Variants in SLC36A3 observed in about 807,000 individuals in gnomAD.
The protein encoded by SLC36A3 is proton-coupled amino acid transporter 3.
A neutral mutation model predicts 44.3 loss-of-function variants in SLC36A3; 35 were observed. That is an observed-to-expected ratio of 0.79 (90% CI 0.60 to 1.05). SLC36A3 has a LOEUF of 1.05. Ranked by LOEUF, SLC36A3 falls within the 50% of genes least tolerant of loss-of-function variation. SLC36A3 has a pLI of 0.00. For synonymous variants in SLC36A3, 211 were observed against 227.6 expected, an observed-to-expected ratio of 0.93 and a Z score of 0.66; for missense variants, 540 against 578.7, an observed-to-expected ratio of 0.93 and a Z score of 0.69.
intron 1 of SLC36A3, among the ~76,000 whole-genome samples, chr5:151,299,248 C>CTA (rs1755072787): frequency 2.8e-4 from 27 of 95,140 alleles, no homozygotes; most frequent in Non-Finnish European, 4.1e-4. Flanking sequence ...CTCTCTCTCT[C>CTA]TCTCTCTCTC....
chr5:151,294,691 G>A (rs574091242), intron 3 of SLC36A3, among the ~76,000 whole-genome samples: 2 of 151,728 alleles, frequency 1.3e-5, no homozygotes, highest in Admixed American at 1.3e-4. Context: ...GTGCAAGGGT[G>A]CGATCTCGGC....
At chr5:151,289,304 C>T (rs1162085401) in intron 4 of SLC36A3, among the ~76,000 whole-genome samples, 1 of 151,544 alleles carries the variant, frequency 6.6e-6, no homozygotes, top group African/African-American at 2.4e-5. Context: ...TAGTATTATC[C>T]CAATTCTCTC....
rs1172714599 is a variant in SLC36A3, at chr5:151,287,406, A to G, written c.548T>C (p.Leu183Pro). The change falls in exon 6 of 10, where the codon CTG (leucine) becomes CCG (proline). Residue 183 changes from leucine (L) to proline (P), a missense_variant. Physicochemically the swap from Leu to Pro is moderately conservative, Grantham distance 98 (BLOSUM62 -3). Transcript: ENST00000335230. ...NICQPREILT[L>P]TPILDIRFYM... The stretch of plus-strand genomic sequence containing the variant: ...GAAACGAATGTCCAGGATGGGGGTC[A>G]GCGTCAGAATCTCCCTGGGCTGGCA... 4 of 1,614,082 alleles carry G rather than the reference A, an allele frequency of 2.5e-6. No homozygotes were observed. In the African/African-American group the frequency reaches 4.0e-5, roughly 16 times the overall value.
chr5:151,283,427 G>A (rs1338548822), intron 8 of SLC36A3, among the ~76,000 whole-genome samples: 1 of 152,206 alleles, frequency 6.6e-6, no homozygotes, highest in African/African-American at 2.4e-5. Context: ...GTCCCAGGAA[G>A]GAAAGTGCCC....
At chr5:151,283,132 C>T (rs1237361586) in intron 8 of SLC36A3, among the ~76,000 whole-genome samples, 7 of 152,116 alleles carry the variant, frequency 4.6e-5, no homozygotes, top group Non-Finnish European at 7.4e-5. Context: ...GTGATCCACC[C>T]GCCTCAGCCT....
intron 4 of SLC36A3, among the ~76,000 whole-genome samples, chr5:151,292,520 G>A (rs994991968): frequency 1.3e-5 from 2 of 152,132 alleles, no homozygotes; most frequent in African/African-American, 2.4e-5. Context: ...AACCCACCCT[G>A]CCTACCTCAC....
intron 4 of SLC36A3, 85 bp downstream of exon 4, chr5:151,293,278 AT>A: frequency 8.7e-7 from 1 of 1,146,480 alleles, no homozygotes; most frequent in South Asian, 1.5e-5. Context: ...ATAAGAGCAT[AT>A]TCATTTAAAA....
chr5:151,301,051 T>C (rs1336335665), intron 1 of SLC36A3, among the ~76,000 whole-genome samples: 3 of 152,262 alleles, frequency 2.0e-5, no homozygotes, highest in Non-Finnish European at 4.4e-5. Context: ...TTCAATATTA[T>C]TGAAACTGCC....
chr5:151,299,392 TATTA>T (rs1236922428), intron 1 of SLC36A3, among the ~76,000 whole-genome samples: 4 of 131,374 alleles, frequency 3.0e-5, no homozygotes, highest in South Asian at 2.5e-4. Context: ...TATATATATA[TATTA>T]TATATATATG....
At chr5:151,299,208 A>C in intron 1 of SLC36A3, among the ~76,000 whole-genome samples, 1 of 145,680 alleles carries the variant, frequency 6.9e-6, no homozygotes, top group Non-Finnish European at 1.5e-5. Context: ...TTCATTGTGA[A>C]TATGAATTGC....
rs1292014468 is a variant in SLC36A3, at chr5:151,280,822, C to G, written c.1144+192G>C. ...TTCTATGTGTAGGCAGTAGAGACGA[C>G]TATAACATTTACTGTGTGGTAATTC... On this transcript the variant is annotated intron_variant, in intron 9 of 9. Transcript: ENST00000335230. Among the ~76,000 whole-genome samples the G allele has an allele frequency of 2.6e-5, 4 of 152,328 alleles. No individual in the cohort carries two copies. The East Asian group carries it at 7.7e-4, about 29-fold the overall frequency.
intron 9 of SLC36A3, among the ~76,000 whole-genome samples, chr5:151,279,200 C>T (rs1004105284): frequency 9.8e-5 from 15 of 152,336 alleles, no homozygotes; most frequent in African/African-American, 2.2e-4. Flanking sequence ...CTCCCTGGCT[C>T]GGCCAGGCTG....
chr5:151,298,758 C>T, intron 1 of SLC36A3, 75 bp from the exon 2 acceptor site: 1 of 1,486,932 alleles, frequency 6.7e-7, no homozygotes, highest in Admixed American at 1.7e-5. Context: ...CAGCCTCCTT[C>T]TGGCATCTCC....
intron 4 of SLC36A3, among the ~76,000 whole-genome samples, chr5:151,290,659 G>C (rs1177792872): frequency 6.6e-6 from 1 of 152,146 alleles, no homozygotes; most frequent in African/African-American, 2.4e-5. Context: ...ACTTTGCAAG[G>C]CCGAGGCGGG....
chr5:151,277,685 A>G, intron 9 of SLC36A3, 24 bp from the exon 10 acceptor site: 1 of 1,608,308 alleles, frequency 6.2e-7, no homozygotes, highest in African/African-American at 1.3e-5. Flanking sequence ...AGATATTTAG[A>G]ATCACTGAAT....
chr5:151,293,343 T>G, intron 4 of SLC36A3, 21 bp downstream of exon 4: 1 of 1,595,164 alleles, frequency 6.3e-7, no homozygotes, highest in East Asian at 2.2e-5. Context: ...TTGTTACTAC[T>G]ACAACATCTG....
chr5:151,290,322 T>C (rs1754709610), intron 4 of SLC36A3, among the ~76,000 whole-genome samples: 1 of 152,204 alleles, frequency 6.6e-6, no homozygotes, highest in Non-Finnish European at 1.5e-5. Context: ...TATCATCCTA[T>C]TGAGTCAGAA....
chr5:151,277,520 A>G lies in SLC36A3; in HGVS notation c.1286T>C (p.Ile429Thr), dbSNP rs1561625081. Residue 429 changes from isoleucine to threonine, a missense_variant, in exon 10 of 10, where the codon ATT becomes ACT. Physicochemically the swap from Ile to Thr is moderately conservative, Grantham distance 89 (BLOSUM62 -1). Coordinates refer to ENST00000335230, the MANE Select transcript of SLC36A3 (RefSeq NM_181774.4). ...GATGCTAATCATGATGTCCTTGGCA[A>G]TGGTGACACAGCTCATGTCCTCAGA... ...FYSEDMSCVTIAKDIMISIVG... is the reference protein window; with the variant it reads ...FYSEDMSCVTTAKDIMISIVG... 37 of 1,614,114 alleles carry G rather than the reference A, an allele frequency of 2.3e-5. No homozygotes were observed. Among genetic ancestry groups the G allele is most frequent in the Non-Finnish European group, 2.4e-5 (28 of 1,180,046 alleles).
intron 3 of SLC36A3, among the ~76,000 whole-genome samples, chr5:151,293,676 A>G (rs1014949386): frequency 6.6e-6 from 1 of 152,196 alleles, no homozygotes; most frequent in East Asian, 1.9e-4. Flanking sequence ...TTAACTGACT[A>G]TCATTGGATT....
Sources: gnomAD v4.1 joint callset for allele counts (sites outside exome capture counted in the v4.1 genomes callset) on GRCh38, gnomAD v4.1.1 for gene constraint, MANE v1.5 for transcripts, NCBI Gene and HGNC (gene_info 2026-07-23, HGNC 2026-07-21) for gene names.